B4GALT5: variants seen among roughly 807,000 people sequenced by gnomAD.
B4GALT5 encodes UDP-Gal:beta-GlcNAc beta-1,4-galactosyltransferase 5.
In B4GALT5, 11 loss-of-function variants were observed where a neutral mutation model predicts 45.0. That is an observed-to-expected ratio of 0.24 (90% CI 0.15 to 0.40). B4GALT5 has a LOEUF of 0.40. Ranked by LOEUF, B4GALT5 falls within the 10% of genes least tolerant of loss-of-function variation. The pLI, the probability that B4GALT5 is intolerant of heterozygous loss-of-function variation, is 1.00. For synonymous variants in B4GALT5, 185 were observed against 182.9 expected (o/e 1.01, Z -0.09); for missense variants, 337 against 500.2 (o/e 0.67, Z 3.11).
At chr20:49,667,015 GCAGGTTGTTAC>G (rs2085693450) in intron 1 of B4GALT5, among the ~76,000 whole-genome samples, 1 of 152,024 alleles carries the variant, frequency 6.6e-6, no homozygotes, top group Non-Finnish European at 1.5e-5. Flanking sequence ...TAACTGAGAG[GCAGGTTGTTAC>G]CATCAATTTA....
At position 49,636,064 on chromosome 20, in the gene B4GALT5, T is replaced by G. The variant is rs1568713185; in HGVS notation, c.*248A>C. 9.9e-6 allele frequency: 5 copies of G among 506,982 alleles called. No homozygotes were observed. The highest frequency in any genetic ancestry group is 6.6e-5 in the Admixed American group (2 of 30,120). The allele number at this position is 506,982 out of a possible 1,614,324, so 31.4% of individuals were successfully genotyped here. A position where few individuals can be genotyped will look rare whatever the true frequency, so the allele number is the denominator to read the frequency against. On this transcript the variant is annotated 3_prime_UTR_variant, in exon 9 of 9. Coordinates refer to ENST00000371711, the MANE Select transcript of B4GALT5 (RefSeq NM_004776.4). ...GGGAGAGAGCAGCGGGACAGACGTC[T>G]GTCTTGTGAAAACAGAAAGCCAGTG...
rs565901457 is a variant in B4GALT5 at position 49,692,607 on chromosome 20, C to T, written c.115+20969G>A. ...ACTAGAATGGGACTCAGTTGTAGTGCTGGCATTGCCTAGGAGGCTGAGTAT... is the reference window on the plus strand; with the variant it reads ...ACTAGAATGGGACTCAGTTGTAGTGTTGGCATTGCCTAGGAGGCTGAGTAT... On this transcript the variant is annotated intron_variant, in intron 1 of 8. Coordinates refer to ENST00000371711, the MANE Select transcript of B4GALT5 (RefSeq NM_004776.4). 7.2e-5 allele frequency among the ~76,000 whole-genome samples: 11 copies of T among 152,328 alleles called. No homozygotes were observed. In the South Asian group the frequency reaches 2.1e-3, roughly 29 times the overall value.
At position 49,633,319 on chromosome 20, in the gene B4GALT5, G is replaced by A. The variant is rs1365092269; in HGVS notation, c.*2993C>T. 8.8e-6 allele frequency: 1 copy of A among 114,118 alleles called. No individual in the cohort carries two copies. The highest frequency in any genetic ancestry group is 3.5e-5 in the African/African-American group (1 of 28,738). The allele number at this position is 114,118 out of a possible 1,614,324, so 7.1% of individuals were successfully genotyped here. On this transcript the variant is annotated 3_prime_UTR_variant, in exon 9 of 9. Coordinates refer to ENST00000371711, the MANE Select transcript of B4GALT5 (RefSeq NM_004776.4). Reference sequence around the variant, plus strand: ...ACCCCCCCACCCCCCAAAACAGCATGAACAAACGGGGACACCTTTCCCTGC... The same window carrying A: ...ACCCCCCCACCCCCCAAAACAGCATAAACAAACGGGGACACCTTTCCCTGC...
chr20:49,688,896 CATT>C (rs1438770609), intron 1 of B4GALT5, among the ~76,000 whole-genome samples: 116 of 144,780 alleles, frequency 8.0e-4, no homozygotes, highest in African/African-American at 2.9e-3. Context: ...GAGATCGTGC[CATT>C]CCACTTCAGC....
At position 49,673,642 on chromosome 20, in the gene B4GALT5, G is replaced by A. The variant is rs115902952; in HGVS notation, c.116-16940C>T. ...TTAGAAAGTATTATGATCACTTCTC[G>A]GCCTTCTGGCTAAGATCAAGTATTG... is the stretch of plus-strand genomic sequence containing the variant. On this transcript the variant is annotated intron_variant, in intron 1 of 8. Coordinates refer to ENST00000371711, the MANE Select transcript of B4GALT5 (RefSeq NM_004776.4). Among the ~76,000 whole-genome samples the A allele has an allele frequency of 3.1e-3, 467 of 152,184 alleles. 1 individual carries two copies. Among genetic ancestry groups the A allele is most frequent in the African/African-American group, 8.4e-3 (349 of 41,506 alleles).
intron 1 of B4GALT5, among the ~76,000 whole-genome samples, chr20:49,694,898 G>A (rs1370808175): frequency 1.3e-5 from 2 of 152,010 alleles, no homozygotes; most frequent in African/African-American, 4.8e-5. Context: ...CACCAAGTGG[G>A]TGCCACACAC....
chr20:49,648,246 T>C (rs1389866940), intron 2 of B4GALT5, among the ~76,000 whole-genome samples: 1 of 152,106 alleles, frequency 6.6e-6, no homozygotes, highest in African/African-American at 2.4e-5. Flanking sequence ...ACTATAAACA[T>C]CCTGAAACTA....
intron 1 of B4GALT5, among the ~76,000 whole-genome samples, chr20:49,709,946 T>C (rs764023247): frequency 6.6e-6 from 1 of 152,248 alleles, no homozygotes; most frequent in Non-Finnish European, 1.5e-5. Context: ...ATTTCACGGA[T>C]GACTCTCAAG....
rs2085551264 is a variant in B4GALT5, at chr20:49,635,920, G to A, written c.*392C>T. ...TTGCCTCTGCTCTGAAGGCCAAGAG[G>A]CTCCAAGGTCATGTGTAGGGACAGG... On this transcript the variant is annotated 3_prime_UTR_variant, in exon 9 of 9. Coordinates refer to ENST00000371711, the MANE Select transcript of B4GALT5 (RefSeq NM_004776.4). 1.1e-5 allele frequency: 2 copies of A among 175,192 alleles called. No individual in the cohort carries two copies. The highest frequency in any genetic ancestry group is 4.8e-5 in the African/African-American group (2 of 41,984). The allele number at this position is 175,192 out of a possible 1,614,324, so 10.9% of individuals were successfully genotyped here.
intron 1 of B4GALT5, among the ~76,000 whole-genome samples, chr20:49,701,935 T>C (rs900662531): frequency 6.6e-6 from 1 of 152,062 alleles, no homozygotes; most frequent in Non-Finnish European, 1.5e-5. Context: ...GGTGGTGGCA[T>C]GCGCCTGTAA....
intron 2 of B4GALT5, among the ~76,000 whole-genome samples, chr20:49,647,336 A>C (rs2085603426): frequency 6.6e-6 from 1 of 152,242 alleles, no homozygotes; most frequent in South Asian, 2.1e-4. Flanking sequence ...AGTCAACTGT[A>C]ATTAAATGTA....
intron 7 of B4GALT5, among the ~76,000 whole-genome samples, chr20:49,639,069 A>T (rs1245056309): frequency 1.3e-5 from 2 of 152,230 alleles, no homozygotes; most frequent in Non-Finnish European, 2.9e-5. Context: ...ACACACAGAG[A>T]TTTTAAATTA....
At chr20:49,692,952 T>C (rs1027787260) in intron 1 of B4GALT5, among the ~76,000 whole-genome samples, 4 of 152,240 alleles carry the variant, frequency 2.6e-5, no homozygotes, top group African/African-American at 9.6e-5. Flanking sequence ...ATTATAATAC[T>C]GTATTTTTAC....
chr20:49,674,255 G>T (rs1454997688), intron 1 of B4GALT5, among the ~76,000 whole-genome samples: 1 of 150,304 alleles, frequency 6.7e-6, no homozygotes, highest in African/African-American at 2.4e-5. Context: ...AAAGATGTGG[G>T]AAAAGTTTGG....
intron 1 of B4GALT5, among the ~76,000 whole-genome samples, chr20:49,689,406 A>G (rs969571593): frequency 6.6e-5 from 10 of 152,236 alleles, no homozygotes; most frequent in Non-Finnish European, 1.2e-4. Flanking sequence ...CGTGGGAACT[A>G]CAATTTCACA....
At chr20:49,665,906 A>T (rs2085688412) in intron 1 of B4GALT5, among the ~76,000 whole-genome samples, 1 of 151,912 alleles carries the variant, frequency 6.6e-6, no homozygotes, top group Non-Finnish European at 1.5e-5. Flanking sequence ...ATATGGCTGG[A>T]GCGAAGGTTG....
At chr20:49,713,510 G>T in intron 1 of B4GALT5, 66 bp downstream of exon 1, 2 of 1,492,078 alleles carry the variant, frequency 1.3e-6, no homozygotes, top group Non-Finnish European at 9.1e-7. Flanking sequence ...TTAGGGAGGG[G>T]CGGGGATTCC....
chr20:49,646,112 T>C (rs190403559), intron 3 of B4GALT5, among the ~76,000 whole-genome samples: 1 of 152,310 alleles, frequency 6.6e-6, no homozygotes, highest in Admixed American at 6.5e-5. Flanking sequence ...GGCAAGAGGG[T>C]TGCTTGAGCC....
intron 1 of B4GALT5, among the ~76,000 whole-genome samples, chr20:49,692,427 A>C (rs2085817770): frequency 6.6e-6 from 1 of 152,212 alleles, no homozygotes; most frequent in Non-Finnish European, 1.5e-5. Context: ...TGATCGCATC[A>C]CTGCATTCCA....
Sources: gnomAD v4.1 joint callset for allele counts (sites outside exome capture counted in the v4.1 genomes callset) on GRCh38, gnomAD v4.1.1 for gene constraint, MANE v1.5 for transcripts, NCBI Gene and HGNC (gene_info 2026-07-23, HGNC 2026-07-21) for gene names.